Variants in PPFIA2 observed in about 807,000 individuals in gnomAD.
PPFIA2 encodes liprin-alpha-2.
In PPFIA2, 46 loss-of-function variants were observed where a neutral mutation model predicts 175.5. That is an observed-to-expected ratio of 0.26 (90% CI 0.21 to 0.34). PPFIA2 has a LOEUF of 0.34. PPFIA2 is among the 10% of genes least tolerant of loss of function. PPFIA2 has a pLI of 1.00. For missense variants in PPFIA2, 1,179 were observed against 1,506.1 expected (o/e 0.78, Z 3.60); for synonymous variants, 568 against 511.4 (o/e 1.11, Z -1.49).
intron 31 of PPFIA2, among the ~76,000 whole-genome samples, chr12:81,262,448 G>A (rs1445939327): frequency 6.6e-6 from 1 of 152,110 alleles, no homozygotes; most frequent in African/African-American, 2.4e-5. Flanking sequence ...GTATTAACAA[G>A]TTGTAAGAAA....
chr12:81,523,310 C>G (rs554240458), intron 4 of PPFIA2, among the ~76,000 whole-genome samples: 5 of 151,294 alleles, frequency 3.3e-5, no homozygotes, highest in Non-Finnish European at 7.3e-5. Flanking sequence ...GACACTTGTA[C>G]AAACTACATC....
At chr12:81,659,428 G>T (rs116050705) in intron 4 of PPFIA2, among the ~76,000 whole-genome samples, 1 of 152,178 alleles carries the variant, frequency 6.6e-6, no homozygotes, top group Non-Finnish European at 1.5e-5. Flanking sequence ...GGCTCGAAGG[G>T]TTCTACGCCC....
intron 15 of PPFIA2, among the ~76,000 whole-genome samples, chr12:81,361,894 T>C (rs2030639083): frequency 6.6e-6 from 1 of 151,530 alleles, no homozygotes; most frequent in Admixed American, 6.6e-5. Flanking sequence ...TAAATGAGTG[T>C]GTCCTTCTAG....
At chr12:81,421,712 G>A (rs1404716193) in intron 7 of PPFIA2, among the ~76,000 whole-genome samples, 1 of 151,828 alleles carries the variant, frequency 6.6e-6, no homozygotes, top group Non-Finnish European at 1.5e-5. Context: ...AAATATACAT[G>A]AATTAAAATC....
chr12:81,367,213 T>C (rs189770095), intron 13 of PPFIA2, 43 bp from the exon 14 acceptor site: 724 of 1,171,768 alleles, frequency 6.2e-4, no homozygotes, highest in Non-Finnish European at 7.3e-4. Flanking sequence ...AAATTAAACA[T>C]AAAATACTTA....
intron 4 of PPFIA2, among the ~76,000 whole-genome samples, chr12:81,522,967 T>C (rs1326997576): frequency 2.0e-5 from 3 of 152,202 alleles, no homozygotes; most frequent in Non-Finnish European, 4.4e-5. Flanking sequence ...CCCAGGCTGA[T>C]GGAGGTTCTG....
chr12:81,716,524 T>C (rs190586438), intron 3 of PPFIA2, among the ~76,000 whole-genome samples: 1 of 151,050 alleles, frequency 6.6e-6, no homozygotes, highest in East Asian at 2.0e-4. Context: ...GTTCTTCAAC[T>C]AGATAGTAAA....
At chr12:81,403,761 G>A (rs1042700879) in intron 8 of PPFIA2, among the ~76,000 whole-genome samples, 1 of 152,126 alleles carries the variant, frequency 6.6e-6, no homozygotes, top group Non-Finnish European at 1.5e-5. Flanking sequence ...CAGTAAACAT[G>A]CTGTGCATGC....
chr12:81,337,963 G>A (rs1399739836), intron 21 of PPFIA2, among the ~76,000 whole-genome samples: 1 of 152,068 alleles, frequency 6.6e-6, no homozygotes, highest in Non-Finnish European at 1.5e-5. Flanking sequence ...CTGAGAAAGA[G>A]GAATACAAAA....
At chr12:81,705,418 T>C (rs2077006787) in intron 3 of PPFIA2, among the ~76,000 whole-genome samples, 1 of 136,830 alleles carries the variant, frequency 7.3e-6, no homozygotes, top group African/African-American at 2.8e-5. Context: ...ATTGCACCAC[T>C]GCACTCCAGC....
At chr12:81,555,425 T>C (rs1476718604) in intron 4 of PPFIA2, among the ~76,000 whole-genome samples, 2 of 151,986 alleles carry the variant, frequency 1.3e-5, no homozygotes, top group Non-Finnish European at 2.9e-5. Flanking sequence ...TGACATTTTA[T>C]TGATATAACT....
chr12:81,313,290 TA>T (rs1179819337), intron 22 of PPFIA2, among the ~76,000 whole-genome samples: 1 of 152,048 alleles, frequency 6.6e-6, no homozygotes, highest in South Asian at 2.1e-4. Flanking sequence ...TATAACAAAA[TA>T]GAAAGCAGAA....
At chr12:81,720,790 T>G (rs1198996672) in intron 3 of PPFIA2, among the ~76,000 whole-genome samples, 1 of 151,436 alleles carries the variant, frequency 6.6e-6, no homozygotes, top group Non-Finnish European at 1.5e-5. Context: ...TTTTTGTGAC[T>G]GAGCTGACTT....
intron 4 of PPFIA2, among the ~76,000 whole-genome samples, chr12:81,591,734 T>C (rs1156690379): frequency 3.9e-5 from 6 of 152,164 alleles, no homozygotes; most frequent in South Asian, 2.1e-4. Flanking sequence ...AAGTCAAGAA[T>C]TGAGGTTTGG....
intron 4 of PPFIA2, among the ~76,000 whole-genome samples, chr12:81,493,725 T>C (rs939395458): frequency 1.7e-5 from 2 of 117,692 alleles, no homozygotes; most frequent in African/African-American, 6.5e-5. Context: ...GAATTGAGTG[T>C]GTGTTTGTGT....
At chr12:81,629,233 A>G (rs1253304481) in intron 4 of PPFIA2, among the ~76,000 whole-genome samples, 2 of 152,136 alleles carry the variant, frequency 1.3e-5, no homozygotes, top group Non-Finnish European at 2.9e-5. Context: ...TTTAGATTCC[A>G]TTGAATGAGC....
At chr12:81,518,464 C>T (rs2062726203) in intron 4 of PPFIA2, among the ~76,000 whole-genome samples, 1 of 152,144 alleles carries the variant, frequency 6.6e-6, no homozygotes, top group Non-Finnish European at 1.5e-5. Context: ...CTGCAGATCA[C>T]TCCTCCACGC....
At chr12:81,544,481 A>G (rs1594760805) in intron 4 of PPFIA2, among the ~76,000 whole-genome samples, 1 of 152,302 alleles carries the variant, frequency 6.6e-6, no homozygotes, top group East Asian at 1.9e-4. Context: ...GGGCAGCCCA[A>G]CATACTTCCG....
intron 8 of PPFIA2, among the ~76,000 whole-genome samples, chr12:81,391,393 A>G (rs774856426): frequency 3.3e-5 from 5 of 151,846 alleles, no homozygotes; most frequent in Non-Finnish European, 7.4e-5. Flanking sequence ...AAAATATGAG[A>G]CTTGACAGGG....
Sources: gnomAD v4.1 joint callset for allele counts (sites outside exome capture counted in the v4.1 genomes callset) on GRCh38, gnomAD v4.1.1 for gene constraint, MANE v1.5 for transcripts, NCBI Gene and HGNC (gene_info 2026-07-23, HGNC 2026-07-21) for gene names.